Variants in PDE4B observed in about 807,000 individuals in gnomAD.
The protein encoded by PDE4B is phosphodiesterase 4B.
A neutral mutation model predicts 82.2 loss-of-function variants in PDE4B; 20 were observed. The observed-to-expected ratio is 0.24, with a 90% CI of 0.17 to 0.35. The LOEUF is 0.35. PDE4B is among the 10% of genes least tolerant of loss of function. PDE4B has a pLI of 1.00. For missense variants in PDE4B, 655 were observed against 907.2 expected (o/e 0.72, Z 3.57); for synonymous variants, 320 against 318.9 (o/e 1.00, Z -0.04).
chr1:66,000,429 C>T (rs1027638701), intron 3 of PDE4B, among the ~76,000 whole-genome samples: 3 of 152,166 alleles, frequency 2.0e-5, no homozygotes, highest in Non-Finnish European at 4.4e-5. Context: ...CTATGACTTG[C>T]AGAGTGAGGA....
intron 1 of PDE4B, among the ~76,000 whole-genome samples, chr1:65,819,030 C>T (rs909933244): frequency 6.6e-6 from 1 of 152,134 alleles, no homozygotes; most frequent in Non-Finnish European, 1.5e-5. Flanking sequence ...TTAGATTTTA[C>T]TCTGGGATCA....
chr1:66,275,267 G>T (rs191996529), intron 7 of PDE4B, among the ~76,000 whole-genome samples: 1 of 152,160 alleles, frequency 6.6e-6, no homozygotes, highest in Non-Finnish European at 1.5e-5. Flanking sequence ...AAGTTGTATT[G>T]AAATACATGT....
In PDE4B at chr1:66,035,744, A is replaced by T. The variant is rs144314390; in HGVS notation, c.281+116909A>T. ...TATACACACTTTAAAATTATTCATCAGTTTATAGACAAAAGTTATTTCCAT... is the reference window on the plus strand; with the variant it reads ...TATACACACTTTAAAATTATTCATCTGTTTATAGACAAAAGTTATTTCCAT... On this transcript the variant is annotated intron_variant, in intron 3 of 16. Coordinates refer to ENST00000341517, the MANE Select transcript of PDE4B (RefSeq NM_002600.4). Among the ~76,000 whole-genome samples the T allele has an allele frequency of 7.2e-5, 11 of 152,296 alleles. No individual in the cohort carries two copies. The East Asian group carries it at 2.1e-3, about 29-fold the overall frequency.
intron 3 of PDE4B, among the ~76,000 whole-genome samples, chr1:66,143,821 T>C (rs1326983190): frequency 1.3e-5 from 2 of 152,182 alleles, no homozygotes; most frequent in African/African-American, 4.8e-5. Context: ...CCCTTCTTTC[T>C]ACTCGATTTG....
chr1:66,208,799 A>G (rs1649780542), intron 3 of PDE4B, among the ~76,000 whole-genome samples: 1 of 152,260 alleles, frequency 6.6e-6, no homozygotes, highest in Non-Finnish European at 1.5e-5. Flanking sequence ...TTTATTAATT[A>G]CAATATAATA....
intron 3 of PDE4B, among the ~76,000 whole-genome samples, chr1:66,037,349 T>C (rs1391936780): frequency 6.6e-6 from 1 of 152,158 alleles, no homozygotes; most frequent in East Asian, 1.9e-4. Flanking sequence ...TTAAATGTAG[T>C]CCTAAATATT....
At chr1:66,155,330 C>T (rs908274154) in intron 3 of PDE4B, among the ~76,000 whole-genome samples, 4 of 152,024 alleles carry the variant, frequency 2.6e-5, no homozygotes, top group African/African-American at 9.7e-5. Flanking sequence ...GTGTCTTCTG[C>T]CTACCTACAA....
chr1:66,213,789 C>T (rs1650246175), intron 3 of PDE4B, among the ~76,000 whole-genome samples: 1 of 152,082 alleles, frequency 6.6e-6, no homozygotes, highest in Admixed American at 6.6e-5. Flanking sequence ...AGATTTAGTG[C>T]TCTACTTTTT....
At chr1:66,362,343 G>T (rs1276769229) in intron 10 of PDE4B, among the ~76,000 whole-genome samples, 2 of 152,144 alleles carry the variant, frequency 1.3e-5, no homozygotes, top group East Asian at 3.9e-4. Flanking sequence ...AGTAGTGGAG[G>T]GAGGCATAGA....
At chr1:65,853,275 T>C (rs555308893) in intron 1 of PDE4B, among the ~76,000 whole-genome samples, 3 of 152,244 alleles carry the variant, frequency 2.0e-5, no homozygotes, top group East Asian at 1.9e-4. Context: ...ACATTTTAAG[T>C]GGGTTTCTTG....
chr1:66,184,801 C>CT (rs201823933), intron 3 of PDE4B, among the ~76,000 whole-genome samples: 13,250 of 145,536 alleles, frequency 0.091, 720 homozygotes, highest in African/African-American at 0.14. Flanking sequence ...CAGAGTTTTT[C>CT]TTTTTTTTTT....
At chr1:66,248,125 C>T (rs557909176) in intron 4 of PDE4B, among the ~76,000 whole-genome samples, 19 of 152,306 alleles carry the variant, frequency 1.2e-4, no homozygotes, top group African/African-American at 4.6e-4. Flanking sequence ...GCCTGTGTCC[C>T]TTCTCTGAAA....
At chr1:65,870,124 A>G (rs1305312521) in intron 1 of PDE4B, among the ~76,000 whole-genome samples, 3 of 152,178 alleles carry the variant, frequency 2.0e-5, no homozygotes, top group South Asian at 2.1e-4. Flanking sequence ...AAAATATCCA[A>G]GAGATTTTCA....
In PDE4B at chr1:65,993,656, A is replaced by T. The variant is rs553763883; in HGVS notation, c.281+74821A>T. 6.6e-5 allele frequency among the ~76,000 whole-genome samples: 10 copies of T among 152,274 alleles called. No homozygotes were observed. The South Asian group carries it at 2.1e-3, about 32-fold the overall frequency. On this transcript the variant is annotated intron_variant, in intron 3 of 16. Transcript: ENST00000341517. The stretch of plus-strand genomic sequence containing the variant: ...GTTTTTGATTTATTGACTTATCTTT[A>T]CAATACTTAAGGAAAGGGAAAACTA...
chr1:66,237,411 C>G (rs1255268905), intron 3 of PDE4B, among the ~76,000 whole-genome samples: 2 of 152,158 alleles, frequency 1.3e-5, no homozygotes, highest in Admixed American at 1.3e-4. Flanking sequence ...TATTCATTTT[C>G]AAGAGAATAT....
chr1:65,844,685 G>A (rs1165207269), intron 1 of PDE4B, among the ~76,000 whole-genome samples: 3 of 152,088 alleles, frequency 2.0e-5, no homozygotes, highest in Admixed American at 6.6e-5. Context: ...TCTTTAATAT[G>A]TAGTTTATTC....
intron 3 of PDE4B, among the ~76,000 whole-genome samples, chr1:66,053,457 C>T (rs1322981031): frequency 6.6e-6 from 1 of 152,170 alleles, no homozygotes; most frequent in South Asian, 2.1e-4. Context: ...TTTCTTTGAA[C>T]AACCCAGCTG....
chr1:65,890,615 A>G (rs1335322044), intron 1 of PDE4B, among the ~76,000 whole-genome samples: 3 of 152,032 alleles, frequency 2.0e-5, no homozygotes, highest in Non-Finnish European at 4.4e-5. Flanking sequence ...ACCTGTAGTC[A>G]GCTGCAATCA....
chr1:65,913,795 G>C (rs1052552459), intron 2 of PDE4B, among the ~76,000 whole-genome samples: 5 of 152,146 alleles, frequency 3.3e-5, no homozygotes, highest in African/African-American at 1.2e-4. Flanking sequence ...CTAGGCCTTT[G>C]CTACTGAAGT....
Sources: allele counts gnomAD v4.1 joint callset (sites outside exome capture counted in the v4.1 genomes callset), GRCh38; gene constraint gnomAD v4.1.1; transcripts MANE v1.5; gene names NCBI Gene and HGNC (gene_info 2026-07-23, HGNC 2026-07-21).